The following JAM2 variants were observed in gnomAD, a reference collection of about 807,000 sequenced individuals.
JAM2 encodes the protein junctional adhesion molecule B.
JAM2 carries 17 observed loss-of-function variants against 42.0 expected under a neutral mutation model. The ratio of observed to expected loss-of-function variants is 0.40; its 90% confidence interval spans 0.28 to 0.61. The LOEUF (loss-of-function observed/expected upper bound fraction) is 0.61, where lower values mean the gene tolerates loss of function less well. JAM2 is among the 20% of genes least tolerant of loss of function. The probability of loss-of-function intolerance (pLI) is 0.37; values close to 1 mark genes in which losing one functional copy is unlikely to be tolerated. For synonymous variants in JAM2, 118 were observed against 128.6 expected (o/e 0.92, Z 0.56); for missense variants, 319 against 358.3 (o/e 0.89, Z 0.89).
chr21:25,677,730 G>A (rs557189032), intron 1 of JAM2, among the ~76,000 whole-genome samples: 86 of 152,246 alleles, frequency 5.6e-4, no homozygotes, highest in African/African-American at 1.8e-3. Flanking sequence ...GGTTTTCCTC[G>A]ACTGGTTTTC....
Position 25,714,538 on chromosome 21 carries a change from C to T in JAM2, c.865-102C>T, listed in dbSNP as rs8134487. ...TAAATAAATAAATACTGGTTTTTAC[C>T]TGTAGAATTCTTACAATAAATATAG... On this transcript the variant is annotated intron_variant, in intron 9 of 9. Coordinates refer to ENST00000480456, the MANE Select transcript of JAM2 (RefSeq NM_021219.4). 3,953 of 808,196 alleles carry T rather than the reference C, an allele frequency of 4.9e-3. 114 individuals carry two copies. The African/African-American group carries it at 0.061, about 12-fold the overall frequency. The allele number at this position is 808,196 out of a possible 1,614,324, so 50.1% of individuals were successfully genotyped here. A position where few individuals can be genotyped will look rare whatever the true frequency, so the allele number is the denominator to read the frequency against.
intron 3 of JAM2, 94 bp downstream of exon 3, chr21:25,690,067 T>A: frequency 2.6e-6 from 2 of 774,462 alleles, no homozygotes; most frequent in South Asian, 3.0e-5. Flanking sequence ...CATGACTGAT[T>A]ACTGAAAATG....
At chr21:25,640,501 G>A (rs1353210754) in intron 1 of JAM2, among the ~76,000 whole-genome samples, 1 of 152,228 alleles carries the variant, frequency 6.6e-6, no homozygotes, top group East Asian at 1.9e-4. Context: ...TCTGTCCTCA[G>A]GGGACATCCA....
Position 25,693,814 on chromosome 21 carries a change from A to C in JAM2, c.300A>C (p.Thr100=). The C allele has an allele frequency of 6.2e-7, 1 of 1,614,154 alleles. No homozygotes were observed. ...IDFNIRIKNV[T]RSDAGKYRCE... Reference sequence around the variant, plus strand: ...TCAATATCCGGATCAAAAATGTGACAAGAAGTGATGCGGGGAAATATCGTT... The same window carrying C: ...TCAATATCCGGATCAAAAATGTGACCAGAAGTGATGCGGGGAAATATCGTT... The change falls in exon 4 of 10, where the codon ACA becomes ACC. Residue 100 remains threonine (T), a synonymous_variant. Transcript: ENST00000480456.
At chr21:25,689,823 A>G (rs748934254) in intron 2 of JAM2, 43 bp from the exon 3 acceptor site, 2 of 1,257,718 alleles carry the variant, frequency 1.6e-6, no homozygotes, top group Middle Eastern at 2.0e-4. Flanking sequence ...ATATAAATTC[A>G]TGGGGACAAT....
At chr21:25,670,193 T>C (rs1040883309) in intron 1 of JAM2, among the ~76,000 whole-genome samples, 3 of 152,140 alleles carry the variant, frequency 2.0e-5, no homozygotes, top group Non-Finnish European at 2.9e-5. Flanking sequence ...GTTTCAAAAA[T>C]TTGACCTTGG....
At chr21:25,660,914 CCTCCTG>C (rs2033071477) in intron 1 of JAM2, among the ~76,000 whole-genome samples, 1 of 147,958 alleles carries the variant, frequency 6.8e-6, no homozygotes, top group Non-Finnish European at 1.5e-5. Flanking sequence ...CCTGCCTCAG[CCTCCTG>C]AGTAGCTGGG....
chr21:25,711,720 G>A (rs1022888942), intron 8 of JAM2, among the ~76,000 whole-genome samples: 2 of 151,196 alleles, frequency 1.3e-5, no homozygotes, highest in Non-Finnish European at 2.9e-5. Context: ...TGCTTTTATT[G>A]AGTGACACGA....
intron 1 of JAM2, 104 bp downstream of exon 1, chr21:25,639,992 C>T: frequency 2.6e-6 from 2 of 775,452 alleles, no homozygotes; most frequent in East Asian, 3.3e-5. Context: ...GGCTCTGGGC[C>T]GAGGTCGCCG....
intron 6 of JAM2, among the ~76,000 whole-genome samples, chr21:25,705,532 C>T (rs557467989): frequency 1.3e-5 from 2 of 152,272 alleles, no homozygotes; most frequent in South Asian, 4.1e-4. Context: ...GTCAACATGC[C>T]TGGCACCATG....
chr21:25,681,329 G>C (rs1409112466), intron 1 of JAM2, among the ~76,000 whole-genome samples: 1 of 152,214 alleles, frequency 6.6e-6, no homozygotes, highest in African/African-American at 2.4e-5. Context: ...TTGACTCACA[G>C]TTCAGCATGG....
At chr21:25,710,857 T>A (rs527855823) in intron 8 of JAM2, among the ~76,000 whole-genome samples, 2 of 152,276 alleles carry the variant, frequency 1.3e-5, no homozygotes, top group Admixed American at 6.5e-5. Context: ...GCTTCTCTGT[T>A]AAGAATAAAC....
chr21:25,695,789 G>A (rs1268713183), intron 4 of JAM2, among the ~76,000 whole-genome samples: 63 of 151,884 alleles, frequency 4.1e-4, no homozygotes, highest in Non-Finnish European at 5.2e-4. Context: ...CCTCCCAGAC[G>A]GGGTCGCGGC....
intron 2 of JAM2, among the ~76,000 whole-genome samples, chr21:25,688,240 A>AGG (rs946040311): frequency 6.8e-5 from 8 of 117,460 alleles, no homozygotes; most frequent in East Asian, 3.6e-4. Flanking sequence ...ATTCACCAGG[A>AGG]GGGGTGTGTG....
At chr21:25,662,173 G>A (rs1349936325) in intron 1 of JAM2, among the ~76,000 whole-genome samples, 1 of 152,004 alleles carries the variant, frequency 6.6e-6, no homozygotes, top group Non-Finnish European at 1.5e-5. Context: ...TTGAGAAGAT[G>A]TCTCACTCCT....
intron 3 of JAM2, among the ~76,000 whole-genome samples, chr21:25,691,269 G>A (rs2033875246): frequency 6.6e-6 from 1 of 152,226 alleles, no homozygotes; most frequent in Admixed American, 6.5e-5. Flanking sequence ...CTAGCTGTAA[G>A]GTGTTAATAG....
intron 4 of JAM2, 71 bp from the exon 5 acceptor site, chr21:25,698,606 C>T (rs2034090953): frequency 7.6e-7 from 1 of 1,317,378 alleles, no homozygotes; most frequent in East Asian, 2.5e-5. Context: ...ACAAAGTCAA[C>T]AGCTTTGAAG....
chr21:25,697,971 TCACA>T (rs768892816), intron 4 of JAM2, among the ~76,000 whole-genome samples: 3 of 151,000 alleles, frequency 2.0e-5, no homozygotes, highest in East Asian at 1.9e-4. Flanking sequence ...TCGCTCTCTC[TCACA>T]CACACACATT....
chr21:25,692,232 G>T, intron 3 of JAM2: 1 of 155,988 alleles, frequency 6.4e-6, no homozygotes. Context: ...AACCAACAGT[G>T]AAACATTAAC....
Sources: gnomAD v4.1 joint callset for allele counts (sites outside exome capture counted in the v4.1 genomes callset) on GRCh38, gnomAD v4.1.1 for gene constraint, MANE v1.5 for transcripts, NCBI Gene and HGNC (gene_info 2026-07-23, HGNC 2026-07-21) for gene names.